Variants in RUBCNL observed in about 807,000 individuals in gnomAD.
RUBCNL encodes protein associated with UVRAG as autophagy enhancer.
RUBCNL carries 62 observed loss-of-function variants against 69.5 expected under a neutral mutation model. That is an observed-to-expected ratio of 0.89 (90% CI 0.73 to 1.10). The LOEUF (loss-of-function observed/expected upper bound fraction) is 1.10, where lower values mean the gene tolerates loss of function less well. Among genes scored for constraint, RUBCNL ranks in the 50% least tolerant of loss-of-function variants. RUBCNL has a pLI of 0.00. For missense variants in RUBCNL, 768 were observed against 798.1 expected, an observed-to-expected ratio of 0.96 and a Z score of 0.45; for synonymous variants, 291 against 303.6, an observed-to-expected ratio of 0.96 and a Z score of 0.43.
chr13:46,350,002 T>C (rs2048334854), intron 11 of RUBCNL, 111 bp downstream of exon 11: 2 of 797,668 alleles, frequency 2.5e-6, no homozygotes, highest in Non-Finnish European at 4.0e-6. Flanking sequence ...CGCTTTATGA[T>C]CCATTTGCCT....
chr13:46,352,708 G>A (rs530592789), intron 10 of RUBCNL, among the ~76,000 whole-genome samples: 2 of 152,318 alleles, frequency 1.3e-5, no homozygotes, highest in South Asian at 4.1e-4. Flanking sequence ...GGAGGCTGAG[G>A]CAGGAGAATT....
intron 14 of RUBCNL, 93 bp from the exon 15 acceptor site, chr13:46,343,590 G>C: frequency 7.7e-7 from 1 of 1,304,712 alleles, no homozygotes; most frequent in South Asian, 1.4e-5. Context: ...AGGGAGAGGG[G>C]TCTGAATCCA....
At chr13:46,363,063 G>T (rs372225960) in intron 6 of RUBCNL, 52 bp downstream of exon 6, 2 of 1,085,110 alleles carry the variant, frequency 1.8e-6, no homozygotes, top group African/African-American at 1.6e-5. Flanking sequence ...GTGTGTATGC[G>T]GATGGGATTG....
upstream of RUBCNL, chr13:46,387,412 T>C (rs1006796842): frequency 2.0e-6 from 2 of 985,264 alleles, no homozygotes; most frequent in African/African-American, 1.7e-5. Flanking sequence ...GAAGAAACTC[T>C]GGAGATGCGC....
At chr13:46,380,760 T>C (rs1389591220) in intron 1 of RUBCNL, among the ~76,000 whole-genome samples, 2 of 152,182 alleles carry the variant, frequency 1.3e-5, no homozygotes, top group African/African-American at 2.4e-5. Flanking sequence ...TTAGGATACA[T>C]ACAGCATATG....
chr13:46,363,168 TA>T lies in RUBCNL; in HGVS notation c.871del (p.Tyr291ThrfsTer4). On this transcript the variant is annotated frameshift_variant, in exon 6 of 15. Coordinates refer to ENST00000429979, the MANE Select transcript of RUBCNL (RefSeq NM_025113.5). LOFTEE classifies it high-confidence loss of function. The part of the protein sequence containing the change: ...QVSPVTETRT[Y>X]HDVKEICKCD... ...TTTGCAAATCTCTTTCACATCATGG[TA>T]AGTACGTGTTTCAGTCACTGGGCTG... The T allele has an allele frequency of 6.2e-7, 1 of 1,601,338 alleles. No individual in the cohort carries two copies. The highest frequency in any genetic ancestry group is 2.3e-5 in the East Asian group (1 of 44,136).
chr13:46,354,577 A>C (rs1790975375), intron 10 of RUBCNL, among the ~76,000 whole-genome samples: 1 of 152,134 alleles, frequency 6.6e-6, no homozygotes, highest in South Asian at 2.1e-4. Flanking sequence ...CTGGCCACAC[A>C]GGGTTTCTTT....
At chr13:46,354,254 A>C (rs969641516) in intron 10 of RUBCNL, among the ~76,000 whole-genome samples, 2 of 152,192 alleles carry the variant, frequency 1.3e-5, no homozygotes, top group Admixed American at 6.5e-5. Context: ...GTTACTGAAA[A>C]CCTGGTGAAA....
chr13:46,384,126 G>A (rs1458584412), intron 1 of RUBCNL, among the ~76,000 whole-genome samples: 1 of 152,150 alleles, frequency 6.6e-6, no homozygotes, highest in Non-Finnish European at 1.5e-5. Context: ...AAAACCCCCA[G>A]ATTTTTATAT....
rs1330723837 is a variant in RUBCNL, at chr13:46,339,450, G to A, written c.*3935C>T. On this transcript the variant is annotated 3_prime_UTR_variant, in exon 15 of 15. Coordinates refer to ENST00000429979, the MANE Select transcript of RUBCNL (RefSeq NM_025113.5). ...GACGGTGGCTAAGCCAGCCATGCAG[G>A]CTCAGACCTGGGGGCAGAAACTGAA... Among the ~76,000 whole-genome samples, 1 of 152,170 alleles carries A rather than the reference G, an allele frequency of 6.6e-6. No individual in the cohort carries two copies. The highest frequency in any genetic ancestry group is 1.5e-5 in the Non-Finnish European group (1 of 68,036).
At chr13:46,358,291 C>A (rs1262090283) in intron 9 of RUBCNL, among the ~76,000 whole-genome samples, 1 of 152,204 alleles carries the variant, frequency 6.6e-6, no homozygotes, top group Non-Finnish European at 1.5e-5. Flanking sequence ...CAACAACCCT[C>A]ACCGGTCCCT....
rs955772845 is a variant in RUBCNL, at chr13:46,337,844, T to C, written c.*5541A>G. Among the ~76,000 whole-genome samples, 3 of 152,200 alleles carry C rather than the reference T, an allele frequency of 2.0e-5. No homozygotes were observed. Among genetic ancestry groups the C allele is most frequent in the Non-Finnish European group, 4.4e-5 (3 of 68,040 alleles). ...TGCAGGCACCGCACTCCTGAGTAGT[T>C]CTATTTCAAACAATCACTCAGGGAG... On this transcript the variant is annotated 3_prime_UTR_variant, in exon 15 of 15. Transcript: ENST00000429979.
At chr13:46,367,408 T>C (rs1023088612) in intron 5 of RUBCNL, among the ~76,000 whole-genome samples, 2 of 152,172 alleles carry the variant, frequency 1.3e-5, no homozygotes, top group African/African-American at 4.8e-5. Context: ...GAGAATGCCA[T>C]GTGACAGAAA....
chr13:46,360,545 C>T (rs1470864887), intron 8 of RUBCNL, among the ~76,000 whole-genome samples: 1 of 152,162 alleles, frequency 6.6e-6, no homozygotes, highest in African/African-American at 2.4e-5. Flanking sequence ...CTGCAGCTCC[C>T]CTTTGCCAAG....
intron 1 of RUBCNL, among the ~76,000 whole-genome samples, 179 bp from the exon 2 acceptor site, chr13:46,378,184 A>T (rs2138832945): frequency 6.6e-6 from 1 of 152,310 alleles, no homozygotes; most frequent in African/African-American, 2.4e-5. Flanking sequence ...ACGGGACTAA[A>T]ATAAGCTTCC....
chr13:46,379,328 G>A (rs747140118), intron 1 of RUBCNL, among the ~76,000 whole-genome samples: 34 of 152,168 alleles, frequency 2.2e-4, no homozygotes, highest in Non-Finnish European at 2.2e-4. Context: ...CACCCACCTC[G>A]GCCTCCCAAA....
intron 10 of RUBCNL, among the ~76,000 whole-genome samples, chr13:46,353,762 G>C (rs2048422711): frequency 6.6e-6 from 1 of 152,224 alleles, no homozygotes. Context: ...CTAGAACAGA[G>C]ATGTCCGGTA....
chr13:46,355,432 T>C (rs1196345941), intron 10 of RUBCNL, among the ~76,000 whole-genome samples: 1 of 152,014 alleles, frequency 6.6e-6, no homozygotes, highest in African/African-American at 2.4e-5. Context: ...GTAGCTGGGA[T>C]TACAGGAGCC....
chr13:46,387,330 G>C, upstream of RUBCNL: 1 of 985,488 alleles, frequency 1.0e-6, no homozygotes, highest in Non-Finnish European at 1.2e-6. Flanking sequence ...GGGGGCCACC[G>C]TAGCTCTCTA....
Sources: gnomAD v4.1 joint callset for allele counts (sites outside exome capture counted in the v4.1 genomes callset) on GRCh38, gnomAD v4.1.1 for gene constraint, MANE v1.5 for transcripts, NCBI Gene and HGNC (gene_info 2026-07-23, HGNC 2026-07-21) for gene names.